NDUFA10: variants seen among roughly 807,000 people sequenced by gnomAD.
NDUFA10 encodes NADH dehydrogenase [ubiquinone] 1 alpha subcomplex subunit 10, mitochondrial.
Under a neutral mutation model 47.8 loss-of-function variants are expected in NDUFA10, and 40 were observed. The ratio of observed to expected loss-of-function variants is 0.84; its 90% CI spans 0.65 to 1.09. The LOEUF (loss-of-function observed/expected upper bound fraction) is 1.09, where lower values mean the gene tolerates loss of function less well. Ranked by LOEUF, NDUFA10 falls within the 50% of genes least tolerant of loss-of-function variation. NDUFA10 has a pLI of 0.00. For missense variants in NDUFA10, 413 were observed against 451.1 expected (o/e 0.92, Z 0.76); for synonymous variants, 183 against 172.2 (o/e 1.06, Z -0.49).
intron 4 of NDUFA10, among the ~76,000 whole-genome samples, chr2:239,904,543 T>C (rs13388157): frequency 0.84 from 127,163 of 151,778 alleles, 53,306 homozygotes; most frequent in East Asian, 0.99. Flanking sequence ...GATCTGCCTG[T>C]GTCAGCCTCC....
At position 239,967,013 on chromosome 2, in the gene NDUFA10, C is replaced by A. The variant is rs76943865; in HGVS notation, c.1000-5827G>T. On this transcript the variant is annotated intron_variant, in intron 9 of 9. Coordinates refer to ENST00000252711, the MANE Select transcript of NDUFA10 (RefSeq NM_004544.4). Reference sequence around the variant, plus strand: ...TGCTGTACATCACTCTGTGCCTCTTCCAGCCTAGGGCTGTGTCTGTTCCCA... The same window carrying A: ...TGCTGTACATCACTCTGTGCCTCTTACAGCCTAGGGCTGTGTCTGTTCCCA... 5.5e-3 allele frequency among the ~76,000 whole-genome samples: 836 copies of A among 152,248 alleles called. 10 individuals are homozygous for A. The highest frequency in any genetic ancestry group is 0.019 in the African/African-American group (788 of 41,534).
chr2:239,953,336 G>A (rs1694592507), downstream of NDUFA10, among the ~76,000 whole-genome samples: 1 of 152,166 alleles, frequency 6.6e-6, no homozygotes. Flanking sequence ...CTGCAGGAGG[G>A]ACCAGCCCTG....
At chr2:240,019,428 A>G (rs1697515495) in intron 3 of NDUFA10, among the ~76,000 whole-genome samples, 1 of 152,248 alleles carries the variant, frequency 6.6e-6, no homozygotes, top group Non-Finnish European at 1.5e-5. Flanking sequence ...AGGTTACTAT[A>G]GCACCAAAAA....
At chr2:239,924,182 A>C (rs952551999) in intron 4 of NDUFA10, among the ~76,000 whole-genome samples, 1 of 152,208 alleles carries the variant, frequency 6.6e-6, no homozygotes, top group African/African-American at 2.4e-5. Context: ...AGAAAAAAGC[A>C]TATCCTTTTT....
chr2:240,005,310 A>T lies in NDUFA10; in HGVS notation c.805-15T>A. 6.2e-7 allele frequency: 1 copy of T among 1,605,610 alleles called. No individual in the cohort carries two copies. Among genetic ancestry groups the T allele is most frequent in the Non-Finnish European group, 8.5e-7 (1 of 1,172,374 alleles). ...TCCTCTACCACCTAAGACAGGAAAA[A>T]TTCCAATTTAAACAGAGAACCCCAT... On this transcript the variant is annotated splice_polypyrimidine_tract_variant and intron_variant, in intron 7 of 9. Transcript: ENST00000252711.
chr2:239,924,405 A>G (rs1694037293), intron 4 of NDUFA10, among the ~76,000 whole-genome samples: 1 of 152,144 alleles, frequency 6.6e-6, no homozygotes, highest in Non-Finnish European at 1.5e-5. Flanking sequence ...AAATAATATA[A>G]TACACCATCA....
At position 240,018,655 on chromosome 2, in the gene NDUFA10, CA is replaced by C. The variant is rs1335899197; in HGVS notation, c.461-17del. 6.2e-7 allele frequency: 1 copy of C among 1,613,248 alleles called. No individual in the cohort carries two copies. Among genetic ancestry groups the C allele is most frequent in the East Asian group, 2.2e-5 (1 of 44,880 alleles). On this transcript the variant is annotated splice_polypyrimidine_tract_variant and intron_variant, in intron 3 of 9. Coordinates refer to ENST00000252711, the MANE Select transcript of NDUFA10 (RefSeq NM_004544.4). ...ACACCTTGTCCTGTTTAAACATAGGCAAACAGAAATTGAAAATCAGACAGAT... is the reference window on the plus strand; with the variant it reads ...ACACCTTGTCCTGTTTAAACATAGGCAACAGAAATTGAAAATCAGACAGAT...
chr2:239,972,906 T>A (rs1695359348), intron 9 of NDUFA10, among the ~76,000 whole-genome samples: 1 of 152,232 alleles, frequency 6.6e-6, no homozygotes, highest in Non-Finnish European at 1.5e-5. Flanking sequence ...CACTGTAAAG[T>A]CAGGGCACTT....
chr2:240,023,868 A>G (rs1372515042), intron 1 of NDUFA10, among the ~76,000 whole-genome samples: 1 of 152,384 alleles, frequency 6.6e-6, no homozygotes, highest in African/African-American at 2.4e-5. Context: ...ATTAACGCAG[A>G]TAGCAAATAA....
intron 8 of NDUFA10, among the ~76,000 whole-genome samples, chr2:240,004,178 T>C (rs920015120): frequency 2.0e-5 from 3 of 150,092 alleles, no homozygotes; most frequent in African/African-American, 4.9e-5. Flanking sequence ...GAGAAGGGAG[T>C]GGAGAAGAGG....
chr2:240,013,655 T>C (rs1339203144), intron 5 of NDUFA10: 2 of 152,210 alleles, frequency 1.3e-5, no homozygotes, highest in African/African-American at 2.4e-5. Flanking sequence ...TTTCTACTAT[T>C]GCAACAGAGA....
In NDUFA10 at chr2:239,945,277, G is replaced by A. The variant is rs528262150; in HGVS notation, c.294+44797C>T. Among the ~76,000 whole-genome samples the A allele has an allele frequency of 1.1e-4, 17 of 152,300 alleles. No homozygotes were observed. Among genetic ancestry groups the A allele is most frequent in the African/African-American group, 2.6e-4 (11 of 41,558 alleles). ...TCATTTGCACAACCGCAGCGGCAGCGCCATCATTCCTCCTGCTTTGCAGCC... is the reference window on the plus strand; with the variant it reads ...TCATTTGCACAACCGCAGCGGCAGCACCATCATTCCTCCTGCTTTGCAGCC... On this transcript the variant is annotated intron_variant, in intron 4 of 5. Coordinates refer to the NDUFA10 transcript ENST00000419408. The surrounding 1 kb of genome is among the most constrained non-coding windows in gnomAD (Gnocchi z 4.6).
At position 240,021,282 on chromosome 2, in the gene NDUFA10, A is replaced by G. The variant is rs1697608933; in HGVS notation, c.375T>C (p.Asp125=). 8 of 1,614,240 alleles carry G rather than the reference A, an allele frequency of 5.0e-6. No homozygotes were observed. Among genetic ancestry groups the G allele is most frequent in the Non-Finnish European group, 6.8e-6 (8 of 1,180,036 alleles). Residue 125 remains aspartate (D), a synonymous_variant, in exon 3 of 10, where the codon GAT becomes GAC. Coordinates refer to ENST00000252711, the MANE Select transcript of NDUFA10 (RefSeq NM_004544.4). The part of the protein sequence containing the change: ...EKFYDDPRSN[D]GNSYRLQSWL... ...AGGACTGCAGGCGGTAACTGTTGCC[A>G]TCATTGCTTCTCGGATCATCGTAAA... is the stretch of plus-strand genomic sequence containing the variant.
chr2:240,018,788 T>A, intron 3 of NDUFA10, 149 bp from the exon 4 acceptor site: 1 of 961,916 alleles, frequency 1.0e-6, no homozygotes, highest in Non-Finnish European at 1.6e-6. Flanking sequence ...GACATATTTG[T>A]AAGTGGGAAA....
At chr2:239,951,908 C>T (rs981955787) in intron 4 of NDUFA10, among the ~76,000 whole-genome samples, 5 of 152,240 alleles carry the variant, frequency 3.3e-5, no homozygotes, top group African/African-American at 4.8e-5. Context: ...GCCCTGCTGA[C>T]GCCTGCCCAG....
intron 5 of NDUFA10, among the ~76,000 whole-genome samples, chr2:239,894,567 G>A (rs1693357171): frequency 6.6e-6 from 1 of 152,022 alleles, no homozygotes; most frequent in Non-Finnish European, 1.5e-5. Context: ...CTCCAGCCTG[G>A]GTCCTCTTGT....
At chr2:239,968,668 A>C (rs942308494) in intron 9 of NDUFA10, among the ~76,000 whole-genome samples, 1 of 152,210 alleles carries the variant, frequency 6.6e-6, no homozygotes, top group Non-Finnish European at 1.5e-5. Flanking sequence ...AGAGCTCCAG[A>C]AATCTGCACA....
At chr2:240,003,319 G>A (rs911750375) in intron 8 of NDUFA10, among the ~76,000 whole-genome samples, 1 of 152,122 alleles carries the variant, frequency 6.6e-6, no homozygotes, top group Admixed American at 6.5e-5. Flanking sequence ...AACATCACAG[G>A]GCCAAGAACA....
At chr2:239,989,813 TCTC>T (rs1215781696) in intron 9 of NDUFA10, among the ~76,000 whole-genome samples, 1 of 152,204 alleles carries the variant, frequency 6.6e-6, no homozygotes, top group Non-Finnish European at 1.5e-5. Flanking sequence ...AACAGAGTGT[TCTC>T]CTATCAAGAT....
Sources: allele counts gnomAD v4.1 joint callset (sites outside exome capture counted in the v4.1 genomes callset), GRCh38; gene constraint gnomAD v4.1.1; non-coding constraint Gnocchi (gnomAD v3.1); transcripts MANE v1.5; gene names NCBI Gene and HGNC (gene_info 2026-07-23, HGNC 2026-07-21).